The following TYR variants were observed in gnomAD, a reference collection of about 807,000 sequenced individuals.
TYR encodes the protein tyrosinase, also known as LB24-AB.
A neutral mutation model predicts 51.5 loss-of-function variants in TYR; 58 were observed. The ratio of observed to expected loss-of-function variants is 1.13; its 90% CI spans 0.91 to 1.40. The LOEUF (loss-of-function observed/expected upper bound fraction) is 1.40. Among genes scored for constraint, TYR ranks in the 40% most tolerant of loss-of-function variants. The pLI, the probability that TYR is intolerant of heterozygous loss-of-function variation, is 0.00. For missense variants in TYR, 732 were observed against 647.4 expected, an observed-to-expected ratio of 1.13 and a Z score of -1.42; for synonymous variants, 263 against 235.2, an observed-to-expected ratio of 1.12 and a Z score of -1.08.
Position 89,178,654 on chromosome 11 carries a change from C to T in TYR, c.701C>T (p.Pro234Leu), listed in dbSNP as rs2135242612. Residue 234 changes from proline (P) to leucine (L), a missense_variant, in exon 1 of 5, where the codon CCA becomes CTA. By Grantham distance (98) the Pro-to-Leu change is moderately conservative. Transcript: ENST00000263321. The stretch of plus-strand genomic sequence containing the variant: ...ACAGGAGATGAAAACTTCACTATTC[C>T]ATATTGGGACTGGCGGGATGCAGAA... ...KLTGDENFTIPYWDWRDAEKC... is the reference protein window; with the variant it reads ...KLTGDENFTILYWDWRDAEKC... 2 of 1,613,202 alleles carry T rather than the reference C, an allele frequency of 1.2e-6. No homozygotes were observed. The highest frequency in any genetic ancestry group is 4.5e-5 in the East Asian group (2 of 44,846).
intron 4 of TYR, among the ~76,000 whole-genome samples, chr11:89,291,134 A>C (rs890244904): frequency 6.7e-6 from 1 of 149,270 alleles, no homozygotes; most frequent in Non-Finnish European, 1.5e-5. Context: ...CACAGCTGCC[A>C]TTCAGGGACA....
chr11:89,257,770 G>T (rs541662158), intron 3 of TYR, among the ~76,000 whole-genome samples: 1 of 151,910 alleles, frequency 6.6e-6, no homozygotes, highest in Admixed American at 6.6e-5. Flanking sequence ...GCTGGCCAAC[G>T]CTCTCTACCT....
intron 3 of TYR, among the ~76,000 whole-genome samples, chr11:89,260,196 C>G (rs1487768663): frequency 6.7e-6 from 1 of 149,828 alleles, no homozygotes; most frequent in African/African-American, 2.5e-5. Flanking sequence ...TTACCTTAGA[C>G]AAGTCCCTGA....
intron 4 of TYR, among the ~76,000 whole-genome samples, chr11:89,285,941 T>A (rs533322577): frequency 8.0e-4 from 122 of 151,930 alleles, no homozygotes; most frequent in African/African-American, 2.7e-3. Flanking sequence ...CATAAATACA[T>A]AAATAAATAA....
At chr11:89,193,131 G>A (rs1194921781) in intron 2 of TYR, among the ~76,000 whole-genome samples, 1 of 152,086 alleles carries the variant, frequency 6.6e-6, no homozygotes, top group African/African-American at 2.4e-5. Context: ...GTGACCCACT[G>A]GACTCTTCAG....
Position 89,253,146 on chromosome 11 carries a change from G to C in TYR, c.1184+25176G>C, listed in dbSNP as rs751701616. On this transcript the variant is annotated intron_variant, in intron 3 of 4. Transcript: ENST00000263321. ...ATTCTTATGCTCTCTTTCTGTACTT[G>C]TCAATGAAAGATCCTTTCACTTTCT... Among the ~76,000 whole-genome samples the C allele has an allele frequency of 2.0e-5, 3 of 151,730 alleles. No individual in the cohort carries two copies. The East Asian group carries it at 5.8e-4, about 29-fold the overall frequency.
chr11:89,253,624 C>T (rs185195681), intron 3 of TYR, among the ~76,000 whole-genome samples: 108 of 151,826 alleles, frequency 7.1e-4, no homozygotes, highest in African/African-American at 2.4e-3. Context: ...TGATTCTCAG[C>T]TTGGTTGCTG....
At chr11:89,183,480 G>A (rs1405480298) in intron 1 of TYR, among the ~76,000 whole-genome samples, 1 of 151,954 alleles carries the variant, frequency 6.6e-6, no homozygotes, top group East Asian at 1.9e-4. Context: ...GCTAATAGGA[G>A]GATTAAATGG....
intron 4 of TYR, 32 bp from the exon 5 acceptor site, chr11:89,295,111 A>C (rs765887512): frequency 3.1e-6 from 5 of 1,610,764 alleles, no homozygotes; most frequent in Non-Finnish European, 4.2e-6. Context: ...TGGTGGTAAC[A>C]ATAAAAACAA....
intron 2 of TYR, among the ~76,000 whole-genome samples, chr11:89,220,660 A>G (rs563594513): frequency 2.4e-4 from 37 of 152,268 alleles, no homozygotes; most frequent in African/African-American, 8.7e-4. Flanking sequence ...ACGCTGAGGC[A>G]GAAAAATCGC....
chr11:89,196,967 T>C (rs1943527735), intron 2 of TYR, among the ~76,000 whole-genome samples: 1 of 152,048 alleles, frequency 6.6e-6, no homozygotes, highest in Admixed American at 6.6e-5. Flanking sequence ...CACCATCAAG[T>C]GAAGAAACTC....
At chr11:89,288,691 C>T (rs1944822194) in intron 4 of TYR, among the ~76,000 whole-genome samples, 2 of 152,018 alleles carry the variant, frequency 1.3e-5, no homozygotes, top group African/African-American at 4.8e-5. Context: ...TTCTCTTAAG[C>T]CCAGGAGTGT....
At chr11:89,283,900 A>T (rs956903597) in intron 3 of TYR, 1 of 151,824 alleles carries the variant, frequency 6.6e-6, no homozygotes, top group African/African-American at 2.4e-5. Context: ...ATTTGCTGAG[A>T]GGCTACTGAG....
chr11:89,272,610 C>T (rs1410099100), intron 3 of TYR, among the ~76,000 whole-genome samples: 1 of 151,912 alleles, frequency 6.6e-6, no homozygotes, highest in Admixed American at 6.6e-5. Context: ...TAGCTCCTAA[C>T]AAGAGAGTTA....
At chr11:89,275,535 A>G (rs1357735692) in intron 3 of TYR, among the ~76,000 whole-genome samples, 1 of 151,880 alleles carries the variant, frequency 6.6e-6, no homozygotes, top group Non-Finnish European at 1.5e-5. Context: ...TCTTCTGTAA[A>G]ATGGAATCAA....
intron 1 of TYR, among the ~76,000 whole-genome samples, chr11:89,182,408 A>T (rs556288182): frequency 6.6e-6 from 1 of 152,138 alleles, no homozygotes; most frequent in Non-Finnish European, 1.5e-5. Context: ...AACAATAGCC[A>T]CTTACTCAAA....
At chr11:89,292,178 C>T (rs1944859482) in intron 4 of TYR, among the ~76,000 whole-genome samples, 1 of 151,796 alleles carries the variant, frequency 6.6e-6, no homozygotes, top group Admixed American at 6.6e-5. Flanking sequence ...ATATGTCTGC[C>T]CTTCTCATTC....
chr11:89,289,588 A>G (rs1009811015), intron 4 of TYR, among the ~76,000 whole-genome samples: 3 of 152,010 alleles, frequency 2.0e-5, no homozygotes, highest in Non-Finnish European at 2.9e-5. Context: ...GGTAAATGAG[A>G]CAGAGTGCCC....
chr11:89,209,175 C>A (rs930912696), intron 2 of TYR, among the ~76,000 whole-genome samples: 1 of 152,200 alleles, frequency 6.6e-6, no homozygotes, highest in African/African-American at 2.4e-5. Context: ...GGGGGATTTC[C>A]CTTTCCTAGC....
Sources: gnomAD v4.1 joint callset for allele counts (sites outside exome capture counted in the v4.1 genomes callset) on GRCh38, gnomAD v4.1.1 for gene constraint, MANE v1.5 for transcripts, NCBI Gene and HGNC (gene_info 2026-07-23, HGNC 2026-07-21) for gene names.